The following GPAM variants were observed in gnomAD, a reference collection of about 807,000 sequenced individuals.
GPAM encodes the protein glycerol-3-phosphate acyltransferase, mitochondrial.
GPAM carries 56 observed loss-of-function variants against 105.0 expected under a neutral mutation model. The observed-to-expected ratio is 0.53, with a 90% CI of 0.43 to 0.67. The LOEUF (loss-of-function observed/expected upper bound fraction) is 0.67. Ranked by LOEUF, GPAM falls within the 30% of genes least tolerant of loss-of-function variation. The pLI is 0.00. For missense variants in GPAM, 855 were observed against 989.8 expected, an observed-to-expected ratio of 0.86 and a Z score of 1.83; for synonymous variants, 368 against 354.4, an observed-to-expected ratio of 1.04 and a Z score of -0.43.
intron 1 of GPAM, among the ~76,000 whole-genome samples, chr10:112,189,847 T>C (rs563213537): frequency 2.1e-4 from 32 of 152,188 alleles, no homozygotes; most frequent in Non-Finnish European, 4.1e-4. Flanking sequence ...AACCTCTACC[T>C]GTGTAAGCCA....
upstream of GPAM, among the ~76,000 whole-genome samples, chr10:112,185,592 A>G (rs1490557104): frequency 1.4e-5 from 2 of 142,664 alleles, no homozygotes; most frequent in Non-Finnish European, 3.0e-5. Context: ...ACACACACAC[A>G]CACACACACA....
intron 5 of GPAM, among the ~76,000 whole-genome samples, chr10:112,177,556 AAAC>A (rs1847429526): frequency 6.6e-6 from 1 of 152,222 alleles, no homozygotes; most frequent in Non-Finnish European, 1.5e-5. Flanking sequence ...ATAGTAACTC[AAAC>A]AACATTTGCT....
At chr10:112,217,434 T>C (rs1429691167), upstream of GPAM, among the ~76,000 whole-genome samples, 1 of 151,332 alleles carries the variant, frequency 6.6e-6, no homozygotes, top group Non-Finnish European at 1.5e-5. Context: ...TTTCCACGTT[T>C]TGTTTGTTTT....
Position 112,164,922 on chromosome 10 carries a change from T to C in GPAM, c.1222-312A>G, listed in dbSNP as rs1467641793. Among the ~76,000 whole-genome samples, 4 of 152,138 alleles carry C rather than the reference T, an allele frequency of 2.6e-5. No homozygotes were observed. The South Asian group carries it at 6.2e-4, about 24-fold the overall frequency. ...CATAAAACTGACATTCTTAATATCA[T>C]TAATAGTGATGATAGACATAATCAT... On this transcript the variant is annotated intron_variant, in intron 12 of 21. Coordinates refer to ENST00000348367, the MANE Select transcript of GPAM (RefSeq NM_001244949.2).
At position 112,150,520 on chromosome 10, in the gene GPAM, C is replaced by T. The variant is rs1846896786; in HGVS notation, c.*3030G>A. 35 of 985,680 alleles carry T rather than the reference C, an allele frequency of 3.6e-5. No individual in the cohort carries two copies. The highest frequency in any genetic ancestry group is 4.2e-5 in the Non-Finnish European group (35 of 829,802). The allele number at this position is 985,680 out of a possible 1,614,324, so 61.1% of individuals were successfully genotyped here. ...TTACAAAATGCATGCATATTCTGCC[C>T]CAGTGCTATCTGTTCATTACCGTTT... On this transcript the variant is annotated 3_prime_UTR_variant, in exon 22 of 22. Transcript: ENST00000348367.
At chr10:112,155,659 T>C in intron 20 of GPAM, 1 of 487,928 alleles carries the variant, frequency 2.0e-6, no homozygotes, top group Non-Finnish European at 3.6e-6. Flanking sequence ...ATCTCAAAAA[T>C]AACGTTACGT....
rs200394655 is a variant in GPAM at position 112,163,849 on chromosome 10, G to A, written c.1308-33C>T. 97 of 978,922 alleles carry A rather than the reference G, an allele frequency of 9.9e-5. No homozygotes were observed. In the African/African-American group the frequency reaches 1.4e-3, roughly 14 times the overall value. 60.6% of individuals were successfully genotyped at this position (978,922 alleles called of 1,614,324 possible). Reference sequence around the variant, plus strand: ...GTGTTTCAAAAATCAACACACAACCGCACTCTTTTACAAGGCAAACCATGT... The same window carrying A: ...GTGTTTCAAAAATCAACACACAACCACACTCTTTTACAAGGCAAACCATGT... On this transcript the variant is annotated intron_variant, in intron 13 of 21. Coordinates refer to ENST00000348367, the MANE Select transcript of GPAM (RefSeq NM_001244949.2).
intron 1 of GPAM, among the ~76,000 whole-genome samples, chr10:112,202,035 T>C (rs1847803651): frequency 6.6e-6 from 1 of 152,240 alleles, no homozygotes; most frequent in Non-Finnish European, 1.5e-5. Flanking sequence ...CTTATGCAAC[T>C]TTCCCAATGT....
At chr10:112,219,936 A>G (rs886512523), upstream of GPAM, among the ~76,000 whole-genome samples, 37 of 152,296 alleles carry the variant, frequency 2.4e-4, no homozygotes, top group African/African-American at 8.7e-4. Context: ...AGGTCAGGAG[A>G]ATGAAAGGAG....
At chr10:112,202,429 G>A (rs530365289) in intron 1 of GPAM, among the ~76,000 whole-genome samples, 2 of 152,276 alleles carry the variant, frequency 1.3e-5, no homozygotes, top group South Asian at 4.2e-4. Flanking sequence ...CTATGTTCAT[G>A]GTAAGCCCTC....
chr10:112,156,432 A>T (rs1372376508), intron 19 of GPAM: 4 of 299,672 alleles, frequency 1.3e-5, no homozygotes, highest in Non-Finnish European at 2.6e-5. Context: ...AAGTCTGCAG[A>T]AAGACCAATG....
In GPAM at chr10:112,151,768, T is replaced by C. The variant is rs1161293957; in HGVS notation, c.*1782A>G. 1 of 985,004 alleles carries C rather than the reference T, an allele frequency of 1.0e-6. No homozygotes were observed. Among genetic ancestry groups the C allele is most frequent in the African/African-American group, 1.7e-5 (1 of 57,210 alleles). The allele number at this position is 985,004 out of a possible 1,614,324, so 61.0% of individuals were successfully genotyped here. ...GAAAAAAAGAGACTAGTGAAATGTTTGCTTCCCCAGATAAGGAACACCCAA... is the reference window on the plus strand; with the variant it reads ...GAAAAAAAGAGACTAGTGAAATGTTCGCTTCCCCAGATAAGGAACACCCAA... On this transcript the variant is annotated 3_prime_UTR_variant, in exon 22 of 22. Transcript: ENST00000348367.
upstream of GPAM, among the ~76,000 whole-genome samples, chr10:112,220,118 C>G (rs1589616846): frequency 6.6e-6 from 1 of 152,266 alleles, no homozygotes; most frequent in Admixed American, 6.5e-5. Flanking sequence ...TCCACCCAGA[C>G]AGCCAGTTGG....
At chr10:112,204,254 CTTTTTTTTT>C (rs59433956) in intron 1 of GPAM, among the ~76,000 whole-genome samples, 1 of 132,516 alleles carries the variant, frequency 7.5e-6, no homozygotes, top group Non-Finnish European at 1.6e-5. Context: ...TTTCTTTGTT[CTTTTTTTTT>C]TTTTTTTTTG....
Position 112,160,804 on chromosome 10 carries a change from T to C in GPAM, c.1559A>G (p.Asp520Gly). Residue 520 changes from aspartate to glycine, a missense_variant, in exon 16 of 22, where the codon GAT becomes GGT. Asp to Gly is a moderately conservative substitution (Grantham distance 94). Coordinates refer to ENST00000348367, the MANE Select transcript of GPAM (RefSeq NM_001244949.2). ...ATTTCCTGAGAACCCCAGGTCAAAA[T>C]CACGAGCCAGGACTTCCTCTTTCAT... The part of the protein sequence containing the change: ...FVMKEEVLAR[D>G]FDLGFSGNSE... 6.2e-7 allele frequency: 1 copy of C among 1,613,876 alleles called. No individual in the cohort carries two copies. Among genetic ancestry groups the C allele is most frequent in the Non-Finnish European group, 8.5e-7 (1 of 1,179,780 alleles).
the GPAM span, among the ~76,000 whole-genome samples, chr10:112,225,964 C>A: frequency 6.6e-6 from 1 of 152,182 alleles, no homozygotes; most frequent in East Asian, 1.9e-4. Context: ...CTCAGCCCCA[C>A]CTCCCCTGGG....
chr10:112,209,898 C>A (rs748753123), intron 1 of GPAM, among the ~76,000 whole-genome samples: 1 of 152,252 alleles, frequency 6.6e-6, no homozygotes, highest in African/African-American at 2.4e-5. Context: ...CACAGCTACA[C>A]TTCCCGCCAG....
At chr10:112,180,439 G>C in intron 4 of GPAM, 34 bp downstream of exon 4, 2 of 1,606,404 alleles carry the variant, frequency 1.2e-6, no homozygotes, top group Non-Finnish European at 1.7e-6. Flanking sequence ...ATTTTATGCT[G>C]AGTATTAGGG....
chr10:112,196,203 T>C (rs1184706675), intron 1 of GPAM, among the ~76,000 whole-genome samples: 4 of 152,150 alleles, frequency 2.6e-5, no homozygotes, highest in African/African-American at 9.7e-5. Flanking sequence ...TCCCTCAGAA[T>C]CAGTCTTTGT....
Sources: gnomAD v4.1 joint callset for allele counts (sites outside exome capture counted in the v4.1 genomes callset) on GRCh38, gnomAD v4.1.1 for gene constraint, MANE v1.5 for transcripts, NCBI Gene and HGNC (gene_info 2026-07-23, HGNC 2026-07-21) for gene names.